MMAA: variants seen among roughly 807,000 people sequenced by gnomAD.
The protein encoded by MMAA is metabolism of cobalamin associated A.
A neutral mutation model predicts 45.0 loss-of-function variants in MMAA; 41 were observed. The ratio of observed to expected loss-of-function variants is 0.91; its 90% CI spans 0.71 to 1.18. The LOEUF is 1.18. Ranked by LOEUF, MMAA falls within the 50% of genes most tolerant of loss-of-function variation. MMAA has a pLI of 0.00. For synonymous variants in MMAA, 154 were observed against 178.2 expected, an observed-to-expected ratio of 0.86 and a Z score of 1.08; for missense variants, 460 against 495.7, an observed-to-expected ratio of 0.93 and a Z score of 0.68.
intron 4 of MMAA, among the ~76,000 whole-genome samples, chr4:145,649,159 A>G (rs1438232651): frequency 6.6e-6 from 1 of 150,970 alleles, no homozygotes; most frequent in Non-Finnish European, 1.5e-5. Context: ...TTAGCCAGGC[A>G]TTGTGTTACA....
At chr4:145,623,744 G>A (rs534825743) in intron 1 of MMAA, among the ~76,000 whole-genome samples, 12 of 152,296 alleles carry the variant, frequency 7.9e-5, no homozygotes, top group African/African-American at 2.6e-4. Flanking sequence ...GCAATTAAAC[G>A]TTAGGGAAGT....
chr4:145,648,964 G>A (rs995658644), intron 4 of MMAA, among the ~76,000 whole-genome samples: 1 of 151,846 alleles, frequency 6.6e-6, no homozygotes, highest in African/African-American at 2.4e-5. Flanking sequence ...TCCAGCTGGG[G>A]TGACAGAGTG....
intron 1 of MMAA, among the ~76,000 whole-genome samples, chr4:145,619,807 T>G (rs1432802318): frequency 2.0e-5 from 3 of 152,110 alleles, no homozygotes; most frequent in Non-Finnish European, 4.4e-5. Context: ...CCACTATGAC[T>G]CCTACCAAAG....
intron 1 of MMAA, among the ~76,000 whole-genome samples, chr4:145,634,607 C>A (rs563050380): frequency 1.3e-5 from 2 of 151,932 alleles, no homozygotes; most frequent in African/African-American, 4.8e-5. Flanking sequence ...CTTTACTTTT[C>A]CCTTTGCTTT....
rs1157867569 is a variant in MMAA, at chr4:145,657,049, A to G, written c.*1615A>G. ...GAGAAGGAATTTTATAATTTCCCTGAGTAAGCTGTTACAGGGAATAACAAA... is the reference window on the plus strand; with the variant it reads ...GAGAAGGAATTTTATAATTTCCCTGGGTAAGCTGTTACAGGGAATAACAAA... On this transcript the variant is annotated 3_prime_UTR_variant, in exon 7 of 7. Coordinates refer to ENST00000649156, the MANE Select transcript of MMAA (RefSeq NM_172250.3). 6.6e-6 allele frequency: 1 copy of G among 152,208 alleles called. No homozygotes were observed. The highest frequency in any genetic ancestry group is 1.5e-5 in the Non-Finnish European group (1 of 68,034). 9.4% of individuals were successfully genotyped at this position (152,208 alleles called of 1,614,324 possible).
chr4:145,628,682 CA>C (rs1734255108), intron 1 of MMAA, among the ~76,000 whole-genome samples: 1 of 152,126 alleles, frequency 6.6e-6, no homozygotes, highest in Non-Finnish European at 1.5e-5. Flanking sequence ...CCCTATTTGC[CA>C]TATAACATAA....
intron 1 of MMAA, among the ~76,000 whole-genome samples, chr4:145,636,183 A>G (rs1727603882): frequency 1.3e-5 from 2 of 152,188 alleles, no homozygotes; most frequent in Admixed American, 1.3e-4. Flanking sequence ...TTTTTATTTA[A>G]GCAATTGCAG....
chr4:145,643,625 A>G lies in MMAA; in HGVS notation c.562+1140A>G, dbSNP rs1212026375. Among the ~76,000 whole-genome samples, 3 of 152,164 alleles carry G rather than the reference A, an allele frequency of 2.0e-5. 1 individual carries two copies. The highest frequency in any genetic ancestry group is 2.0e-4 in the Admixed American group (3 of 15,278). On this transcript the variant is annotated intron_variant, in intron 3 of 6. Transcript: ENST00000649156. ...AATTTTTGAGTCACTATAATAAAAA[A>G]AGTTAACTGTAAAATAAAATTTTTG...
rs368103515 is a variant in MMAA, at chr4:145,634,891, G to A, written c.-65-4184G>A. On this transcript the variant is annotated intron_variant, in intron 1 of 6. Transcript: ENST00000649156. ...AAGGGGGACCTCATGACTCTAACTG[G>A]TGCCCCATCCTGCTGTGACTGAGGA... is the stretch of plus-strand genomic sequence containing the variant. Among the ~76,000 whole-genome samples, 18 of 151,866 alleles carry A rather than the reference G, an allele frequency of 1.2e-4. No individual in the cohort carries two copies. The East Asian group carries it at 2.0e-3, about 16-fold the overall frequency.
chr4:145,652,493 C>A (rs972483497), intron 5 of MMAA, among the ~76,000 whole-genome samples: 3 of 152,046 alleles, frequency 2.0e-5, no homozygotes, highest in African/African-American at 4.8e-5. Context: ...CTTTGGGAGG[C>A]CGAGGTGGGC....
intron 1 of MMAA, among the ~76,000 whole-genome samples, chr4:145,638,630 A>G (rs563538265): frequency 4.6e-5 from 7 of 152,330 alleles, no homozygotes; most frequent in Non-Finnish European, 1.0e-4. Context: ...TGCCCACCGT[A>G]GTAATCACAT....
chr4:145,658,691 CAAA>C lies in MMAA; in HGVS notation c.*3272_*3274del, dbSNP rs33978754. On this transcript the variant is annotated 3_prime_UTR_variant, in exon 7 of 7. Transcript: ENST00000649156. Reference sequence around the variant, plus strand: ...AATTTATGTAGTTGAACCTCTAAGGCAAAAAAAAAAAAAAAAAGGAAAAATTAG... The same window carrying C: ...AATTTATGTAGTTGAACCTCTAAGGCAAAAAAAAAAAAAAGGAAAAATTAG... The C allele has an allele frequency of 5.4e-4, 48 of 88,648 alleles. No homozygotes were observed. The highest frequency in any genetic ancestry group is 7.6e-4 in the Admixed American group (6 of 7,944). 5.5% of individuals were successfully genotyped at this position (88,648 alleles called of 1,614,324 possible).
intron 1 of MMAA, among the ~76,000 whole-genome samples, chr4:145,630,145 A>C (rs936600620): frequency 5.9e-5 from 9 of 152,302 alleles, no homozygotes; most frequent in Non-Finnish European, 1.0e-4. Context: ...GCTTTTCTCT[A>C]TTAGACTTTT....
rs775224246 is a variant in MMAA at position 145,639,189 on chromosome 4, T to C, written c.50T>C (p.Leu17Ser). ...CACCAGCATTTCCTAAAAGGCCTTTTAAGAGCACCTTTCCGATGTTACCAC... is the reference window on the plus strand; with the variant it reads ...CACCAGCATTTCCTAAAAGGCCTTTCAAGAGCACCTTTCCGATGTTACCAC... ...HPHQHFLKGL[L>S]RAPFRCYHFI... Residue 17 changes from leucine (L) to serine (S), a missense_variant, in exon 2 of 7, where the codon TTA (leucine) becomes TCA (serine). Leu to Ser is a moderately radical substitution (Grantham distance 145, BLOSUM62 -2). Coordinates refer to ENST00000649156, the MANE Select transcript of MMAA (RefSeq NM_172250.3). 6.2e-7 allele frequency: 1 copy of C among 1,614,196 alleles called. No individual in the cohort carries two copies.
chr4:145,620,540 T>C (rs936423491), intron 1 of MMAA, among the ~76,000 whole-genome samples: 20 of 152,230 alleles, frequency 1.3e-4, no homozygotes, highest in African/African-American at 4.3e-4. Flanking sequence ...GCAACCAATT[T>C]AGTTAACACA....
Position 145,650,207 on chromosome 4 carries a change from C to T in MMAA, c.734-855C>T, listed in dbSNP as rs537617975. The stretch of plus-strand genomic sequence containing the variant: ...TTTGAGCACAATTTATGTATTGTGC[C>T]GGGGGGCAAGAGCCTGTAGATAAAT... On this transcript the variant is annotated intron_variant, in intron 4 of 6. Coordinates refer to ENST00000649156, the MANE Select transcript of MMAA (RefSeq NM_172250.3). 5.3e-5 allele frequency among the ~76,000 whole-genome samples: 8 copies of T among 151,950 alleles called. No individual in the cohort carries two copies. In the South Asian group the frequency reaches 1.5e-3, roughly 28 times the overall value.
intron 4 of MMAA, among the ~76,000 whole-genome samples, chr4:145,649,974 C>T (rs958661002): frequency 1.3e-5 from 2 of 152,190 alleles, no homozygotes; most frequent in African/African-American, 2.4e-5. Flanking sequence ...CAGGGTCTCA[C>T]TACATCACCC....
intron 1 of MMAA, chr4:145,625,576 A>T: frequency 1.3e-6 from 1 of 770,668 alleles, no homozygotes; most frequent in South Asian, 1.3e-5. Context: ...AGAGACCTAA[A>T]TATGGTGATG....
chr4:145,651,284 T>A, intron 5 of MMAA, 137 bp downstream of exon 5: 1 of 754,082 alleles, frequency 1.3e-6, no homozygotes, highest in Non-Finnish European at 2.2e-6. Flanking sequence ...CTAAAATACC[T>A]GAATCAAAGG....
Sources: gnomAD v4.1 joint callset for allele counts (sites outside exome capture counted in the v4.1 genomes callset) on GRCh38, gnomAD v4.1.1 for gene constraint, MANE v1.5 for transcripts, NCBI Gene and HGNC (gene_info 2026-07-23, HGNC 2026-07-21) for gene names.